Variants in PIK3AP1 observed in about 807,000 individuals in gnomAD.
The protein encoded by PIK3AP1 is phosphoinositide 3-kinase adapter protein 1.
A neutral mutation model predicts 88.1 loss-of-function variants in PIK3AP1; 21 were observed. That is an observed-to-expected ratio of 0.24 (90% CI 0.17 to 0.34). PIK3AP1 has a LOEUF of 0.34. Among genes scored for constraint, PIK3AP1 ranks in the 10% least tolerant of loss-of-function variants. The probability of loss-of-function intolerance (pLI) is 1.00; values close to 1 mark genes in which losing one functional copy is unlikely to be tolerated. For synonymous variants in PIK3AP1, 398 were observed against 400.0 expected, an observed-to-expected ratio of 1.00 and a Z score of 0.06; for missense variants, 828 against 1,035.7, an observed-to-expected ratio of 0.80 and a Z score of 2.75.
chr10:96,696,300 T>C (rs1430254960), intron 2 of PIK3AP1, among the ~76,000 whole-genome samples: 1 of 152,232 alleles, frequency 6.6e-6, no homozygotes. Flanking sequence ...CAATTACTGA[T>C]TTTGTTAATT....
intron 8 of PIK3AP1, among the ~76,000 whole-genome samples, chr10:96,638,667 G>A (rs528459027): frequency 6.6e-6 from 1 of 152,340 alleles, no homozygotes; most frequent in African/African-American, 2.4e-5. Flanking sequence ...CCTCTGCCAT[G>A]CAGGAGTGAG....
chr10:96,661,831 A>AC (rs1418092247), intron 2 of PIK3AP1, among the ~76,000 whole-genome samples: 3 of 146,642 alleles, frequency 2.0e-5, no homozygotes, highest in African/African-American at 7.6e-5. Flanking sequence ...ACAGGACAGG[A>AC]AAGGAAAGGG....
chr10:96,680,244 A>T (rs1274944695), intron 2 of PIK3AP1, among the ~76,000 whole-genome samples: 1 of 152,176 alleles, frequency 6.6e-6, no homozygotes, highest in Non-Finnish European at 1.5e-5. Flanking sequence ...CAAAGGAGCC[A>T]TTCTCTTATT....
rs1843163445 is a variant in PIK3AP1 at position 96,626,984 on chromosome 10, A to G, written c.1472-79T>C. 3 of 1,380,752 alleles carry G rather than the reference A, an allele frequency of 2.2e-6. No individual in the cohort carries two copies. In the Admixed American group the frequency reaches 5.1e-5, roughly 23 times the overall value. The allele number at this position is 1,380,752 out of a possible 1,614,324, so 85.5% of individuals were successfully genotyped here. On this transcript the variant is annotated intron_variant, in intron 9 of 16. Coordinates refer to ENST00000339364, the MANE Select transcript of PIK3AP1 (RefSeq NM_152309.3). ...CATCAGTCATAAAGCAGAGTGAGGG[A>G]CCTTACTTTGTTTCCTCAGTGCTGC...
At chr10:96,672,614 A>G (rs1473484788) in intron 2 of PIK3AP1, among the ~76,000 whole-genome samples, 2 of 152,040 alleles carry the variant, frequency 1.3e-5, no homozygotes, top group East Asian at 3.9e-4. Flanking sequence ...CCCCTCCCCA[A>G]CCCACCCTAC....
Position 96,648,729 on chromosome 10 carries a change from C to G in PIK3AP1, c.1115G>C (p.Gly372Ala). 1 of 1,610,768 alleles carries G rather than the reference C, an allele frequency of 6.2e-7. No individual in the cohort carries two copies. The highest frequency in any genetic ancestry group is 8.5e-7 in the Non-Finnish European group (1 of 1,178,814). The change falls in exon 7 of 17, where the codon GGC (glycine) becomes GCC (alanine). Residue 372 changes from glycine to alanine, a missense_variant. Transcript: ENST00000339364. Reference sequence around the variant, plus strand: ...CTCAGCGATGGTGTTGGGGTAGTGGCCATGCTTGTTGGCCACGCTGTACGC... The same window carrying G: ...CTCAGCGATGGTGTTGGGGTAGTGGGCATGCTTGTTGGCCACGCTGTACGC... ...LQAYSVANKH[G>A]HYPNTIAEKH...
chr10:96,664,582 T>C, intron 2 of PIK3AP1, among the ~76,000 whole-genome samples: 1 of 152,170 alleles, frequency 6.6e-6, no homozygotes, highest in Non-Finnish European at 1.5e-5. Context: ...ATGCAATCTA[T>C]TAGCTAATAA....
In PIK3AP1 at chr10:96,688,803, AAAAG is replaced by A. The variant is rs536109642; in HGVS notation, c.430+20760_430+20763del. ...GATAGAGCAAGACTCTGTCTCAAAA[AAAAG>A]AAAGAAAGAAAGAAAGAAAGAAAAG... On this transcript the variant is annotated intron_variant, in intron 2 of 16. Transcript: ENST00000339364. Among the ~76,000 whole-genome samples the A allele has an allele frequency of 7.8e-4, 118 of 151,802 alleles. 3 individuals are homozygous for A. The highest frequency in any genetic ancestry group is 5.6e-4 in the Non-Finnish European group (38 of 67,962).
intron 2 of PIK3AP1, among the ~76,000 whole-genome samples, chr10:96,690,429 A>AT (rs1261047637): frequency 1.7e-5 from 2 of 117,536 alleles, no homozygotes; most frequent in Admixed American, 9.2e-5. Flanking sequence ...TGCCCAGCTA[A>AT]TTTTTTATTT....
At position 96,597,254 on chromosome 10, in the gene PIK3AP1, T is replaced by TTTTC. The variant is rs1317880908; in HGVS notation, c.2361-1624_2361-1621dup. On this transcript the variant is annotated intron_variant, in intron 16 of 16. Coordinates refer to ENST00000339364, the MANE Select transcript of PIK3AP1 (RefSeq NM_152309.3). Reference sequence around the variant, plus strand: ...GCCTGCCCACCTCTCTGCCTTCTTTTTTTCTTTCTTTCTTTCTTTCCTTCC... The same window carrying TTTTC: ...GCCTGCCCACCTCTCTGCCTTCTTTTTTTCTTTCTTTCTTTCTTTCTTTCCTTCC... 3.3e-3 allele frequency among the ~76,000 whole-genome samples: 473 copies of TTTTC among 143,728 alleles called. 10 individuals are homozygous for TTTTC. The highest frequency in any genetic ancestry group is 0.024 in the East Asian group (119 of 4,932). 94.3% of individuals were successfully genotyped at this position (143,728 alleles called of 152,430 possible).
At position 96,678,138 on chromosome 10, in the gene PIK3AP1, T is replaced by TA. The variant is rs564276201; in HGVS notation, c.431-21205dup. On this transcript the variant is annotated intron_variant, in intron 2 of 16. Transcript: ENST00000339364. ...GCCACCACATCCAGCTAATTTAAATTAAAAAAAATTGTAGGCTGGGCACAG... is the reference window on the plus strand; with the variant it reads ...GCCACCACATCCAGCTAATTTAAATTAAAAAAAAATTGTAGGCTGGGCACAG... Among the ~76,000 whole-genome samples, 333 of 151,594 alleles carry TA rather than the reference T, an allele frequency of 2.2e-3. 1 individual carries two copies. The highest frequency in any genetic ancestry group is 7.0e-3 in the African/African-American group (290 of 41,306).
chr10:96,627,470 T>G (rs149756705), intron 9 of PIK3AP1, among the ~76,000 whole-genome samples: 34 of 152,330 alleles, frequency 2.2e-4, no homozygotes, highest in Non-Finnish European at 4.7e-4. Context: ...TATATAATAC[T>G]AAATAAACGG....
chr10:96,645,928 C>T (rs955835917), intron 7 of PIK3AP1, among the ~76,000 whole-genome samples: 5 of 152,080 alleles, frequency 3.3e-5, no homozygotes, highest in Non-Finnish European at 7.4e-5. Context: ...AGGAAATACT[C>T]GTTAAATGTC....
At chr10:96,715,618 C>T (rs910023030) in intron 1 of PIK3AP1, among the ~76,000 whole-genome samples, 12 of 152,088 alleles carry the variant, frequency 7.9e-5, no homozygotes, top group Non-Finnish European at 1.2e-4. Context: ...AGGCTGGGCG[C>T]GGTGGCTCAT....
At chr10:96,670,216 T>C (rs1589528454) in intron 2 of PIK3AP1, among the ~76,000 whole-genome samples, 1 of 145,336 alleles carries the variant, frequency 6.9e-6, no homozygotes, top group East Asian at 2.0e-4. Context: ...ACATGAAAAA[T>C]TCAGAAGTTG....
At chr10:96,653,636 TGCCACCACACC>T (rs1186765976) in intron 3 of PIK3AP1, among the ~76,000 whole-genome samples, 1 of 151,562 alleles carries the variant, frequency 6.6e-6, no homozygotes, top group Middle Eastern at 3.2e-3. Context: ...TACAGACACC[TGCCACCACACC>T]CGGCAAATTT....
intron 2 of PIK3AP1, among the ~76,000 whole-genome samples, chr10:96,682,021 G>A (rs1029882756): frequency 6.6e-6 from 1 of 151,658 alleles, no homozygotes. Context: ...TATAGAGAGA[G>A]AGAGAGAGAG....
Position 96,623,512 on chromosome 10 carries a change from C to A in PIK3AP1, c.1695G>T (p.Arg565=). The A allele has an allele frequency of 6.2e-7, 1 of 1,611,828 alleles. No individual in the cohort carries two copies. Among genetic ancestry groups the A allele is most frequent in the Non-Finnish European group, 8.5e-7 (1 of 1,178,388 alleles). ...FKVFAEKSQE[R]PGNFYVSSES... is the part of the protein sequence containing the mutation. ...CTGAGGAAACGTAGAAATTCCCAGGCCGCTCTTGACTTTTTTCTGCAAAAA... is the reference window on the plus strand; with the variant it reads ...CTGAGGAAACGTAGAAATTCCCAGGACGCTCTTGACTTTTTTCTGCAAAAA... The change falls in exon 11 of 17, where the codon CGG becomes CGT. Residue 565 remains arginine (R), a synonymous_variant. Transcript: ENST00000339364.
At chr10:96,687,434 T>C (rs549081941) in intron 2 of PIK3AP1, among the ~76,000 whole-genome samples, 1 of 152,132 alleles carries the variant, frequency 6.6e-6, no homozygotes, top group African/African-American at 2.4e-5. Context: ...AGTGCCAATC[T>C]CACACTTCCA....
Sources: allele counts gnomAD v4.1 joint callset (sites outside exome capture counted in the v4.1 genomes callset), GRCh38; gene constraint gnomAD v4.1.1; transcripts MANE v1.5; gene names NCBI Gene and HGNC (gene_info 2026-07-23, HGNC 2026-07-21).